The following FBXO38 variants were observed in gnomAD, a reference collection of about 807,000 sequenced individuals.
FBXO38 encodes the protein F-box only protein 38.
Under a neutral mutation model 131.9 loss-of-function variants are expected in FBXO38, and 53 were observed. That is an observed-to-expected ratio of 0.40 (90% CI 0.32 to 0.51). The LOEUF is 0.51. FBXO38 is among the 20% of genes least tolerant of loss of function. The probability of loss-of-function intolerance (pLI) is 0.53; values close to 1 mark genes in which losing one functional copy is unlikely to be tolerated. For synonymous variants in FBXO38, 452 were observed against 505.6 expected (o/e 0.89, Z 1.42); for missense variants, 1,076 against 1,475.6 (o/e 0.73, Z 4.44).
chr5:148,394,037 G>T (rs1227561969), intron 1 of FBXO38, among the ~76,000 whole-genome samples: 1 of 152,016 alleles, frequency 6.6e-6, no homozygotes, highest in African/African-American at 2.4e-5. Context: ...AAATATGCAT[G>T]TGATGCAAAA....
At chr5:148,410,924 T>C in intron 9 of FBXO38, 159 bp downstream of exon 9, 4 of 634,836 alleles carry the variant, frequency 6.3e-6, no homozygotes, top group Non-Finnish European at 1.0e-5. Context: ...ATTAGAAATG[T>C]CAGTGATTTT....
chr5:148,437,433 T>G (rs1023690382), intron 17 of FBXO38, among the ~76,000 whole-genome samples: 2 of 151,844 alleles, frequency 1.3e-5, no homozygotes, highest in Non-Finnish European at 2.9e-5. Flanking sequence ...GAGGCGGGAG[T>G]CTCTCTCAGT....
intron 15 of FBXO38, chr5:148,430,155 A>ATTT (rs200540373): frequency 5.7e-4 from 52 of 91,198 alleles, no homozygotes; most frequent in African/African-American, 2.2e-3. Context: ...TATTATTATT[A>ATTT]TTATTTTTTT....
At chr5:148,403,425 T>C (rs1752273662) in intron 5 of FBXO38, among the ~76,000 whole-genome samples, 1 of 151,584 alleles carries the variant, frequency 6.6e-6, no homozygotes, top group Non-Finnish European at 1.5e-5. Flanking sequence ...GGTTTGGGCC[T>C]GGGGTATACT....
chr5:148,391,880 A>G (rs1403155732), intron 1 of FBXO38, among the ~76,000 whole-genome samples: 2 of 152,210 alleles, frequency 1.3e-5, no homozygotes, highest in Non-Finnish European at 2.9e-5. Context: ...GTCTTCTTTC[A>G]TAAAATGTTG....
Position 148,394,789 on chromosome 5 carries a change from A to C in FBXO38, c.13A>C (p.Lys5Gln). 1 of 1,577,316 alleles carries C rather than the reference A, an allele frequency of 6.3e-7. No homozygotes were observed. Among genetic ancestry groups the C allele is most frequent in the Non-Finnish European group, 8.6e-7 (1 of 1,162,644 alleles). The part of the protein sequence containing the change: MGPR[K>Q]KSVKTCIMNN... ...AGACTGCACAACAATGGGGCCACGA[A>C]AGAAAAGTGTGAAAACATGTATCAT... Residue 5 changes from lysine to glutamine, a missense_variant, in exon 2 of 22, where the codon AAG becomes CAG. Around this residue, in one of 8 missense-constraint regions of FBXO38, gnomAD observed 58 missense variants for 53.1 expected, o/e 1.09. Transcript: ENST00000340253.
chr5:148,410,541 G>A, intron 8 of FBXO38, 94 bp from the exon 9 acceptor site: 1 of 1,411,466 alleles, frequency 7.1e-7, no homozygotes, highest in Non-Finnish European at 9.8e-7. Context: ...TTTGTCAGCA[G>A]CATAGAAACG....
chr5:148,398,515 G>A (rs1257390183), intron 2 of FBXO38, among the ~76,000 whole-genome samples: 1 of 151,914 alleles, frequency 6.6e-6, no homozygotes, highest in Admixed American at 6.6e-5. Context: ...GGAGAAGATA[G>A]TAGAGTTTGC....
chr5:148,421,179 G>C (rs1753404261), intron 12 of FBXO38, among the ~76,000 whole-genome samples: 1 of 152,042 alleles, frequency 6.6e-6, no homozygotes, highest in Admixed American at 6.6e-5. Context: ...TGTTAGCCAG[G>C]ATGGTCTCCA....
At position 148,441,248 on chromosome 5, in the gene FBXO38, C is replaced by T; in HGVS notation, c.3388+11C>T. 3 of 1,580,480 alleles carry T rather than the reference C, an allele frequency of 1.9e-6. No homozygotes were observed. Among genetic ancestry groups the T allele is most frequent in the Non-Finnish European group, 2.6e-6 (3 of 1,149,770 alleles). On this transcript the variant is annotated intron_variant, in intron 21 of 21. Transcript: ENST00000340253. The stretch of plus-strand genomic sequence containing the variant: ...AAGACGATGAAGAAAGTAATTATGA[C>T]CTGACTTGACATCTATTCTCTAGTT...
At chr5:148,391,579 G>T (rs897387463) in intron 1 of FBXO38, among the ~76,000 whole-genome samples, 1 of 152,210 alleles carries the variant, frequency 6.6e-6, no homozygotes. Flanking sequence ...GAACTAAGAA[G>T]ATACTGGTCT....
At chr5:148,398,934 A>AG (rs1751983259) in intron 2 of FBXO38, 65 bp from the exon 3 acceptor site, 1 of 1,571,644 alleles carries the variant, frequency 6.4e-7, no homozygotes, top group Non-Finnish European at 8.7e-7. Context: ...GGAAAAAAAA[A>AG]TAACTTACTG....
chr5:148,418,708 T>C (rs929099299), intron 12 of FBXO38, among the ~76,000 whole-genome samples: 8 of 152,220 alleles, frequency 5.3e-5, no homozygotes, highest in African/African-American at 1.9e-4. Flanking sequence ...TTACAGCAGC[T>C]GCCATTCAGA....
intron 2 of FBXO38, among the ~76,000 whole-genome samples, chr5:148,398,724 TTTTC>T (rs1751969221): frequency 1.3e-5 from 2 of 152,006 alleles, no homozygotes; most frequent in Admixed American, 1.3e-4. Context: ...TGTTTTTAGA[TTTTC>T]TTTGTCCATG....
At position 148,399,117 on chromosome 5, in the gene FBXO38, G is replaced by A; in HGVS notation, c.247G>A (p.Glu83Lys). ...VVDLCAGRWWEYMPSGFTDAS... is the reference protein window; with the variant it reads ...VVDLCAGRWWKYMPSGFTDAS... ...AGATCTCTGTGCAGGGCGGTGGTGG[G>A]AATACATGCCAAGTGGTAAGTGGAT... The change falls in exon 3 of 22, where the codon GAA (glutamate) becomes AAA (lysine). Residue 83 changes from glutamate (E) to lysine (K), a missense_variant. By Grantham distance (56) the Glu-to-Lys change is moderately conservative. This residue lies in a region of FBXO38 where 96 missense variants were observed against 193.9 expected (regional missense o/e 0.50). Coordinates refer to ENST00000340253, the MANE Select transcript of FBXO38 (RefSeq NM_205836.3). 6.2e-7 allele frequency: 1 copy of A among 1,611,590 alleles called. No individual in the cohort carries two copies. The highest frequency in any genetic ancestry group is 1.1e-5 in the South Asian group (1 of 90,962).
chr5:148,394,078 G>A (rs906165016), intron 1 of FBXO38, among the ~76,000 whole-genome samples: 5 of 152,192 alleles, frequency 3.3e-5, no homozygotes, highest in Admixed American at 1.3e-4. Context: ...TCACAAGAGA[G>A]GGAGAAGGGA....
At chr5:148,410,910 T>C (rs1752711724) in intron 9 of FBXO38, 145 bp downstream of exon 9, 1 of 691,432 alleles carries the variant, frequency 1.4e-6, no homozygotes, top group Non-Finnish European at 2.3e-6. Context: ...AAATAAACTT[T>C]TAAATTAGAA....
In FBXO38 at chr5:148,427,509, C is replaced by A. The variant is rs762262985; in HGVS notation, c.2215C>A (p.Pro739Thr). ...GGTGAACAGCGGCGGCTCTTCCGAG[C>A]CTAGCCCTACAGAAGTGGATGTGTC... is the stretch of plus-strand genomic sequence containing the variant. ...RTVNSGGSSE[P>T]SPTEVDVSRQ... Residue 739 changes from proline to threonine, a missense_variant, in exon 15 of 22, where the codon CCT becomes ACT. By Grantham distance (38) the Pro-to-Thr change is conservative. Coordinates refer to ENST00000340253, the MANE Select transcript of FBXO38 (RefSeq NM_205836.3). The A allele has an allele frequency of 2.0e-5, 33 of 1,614,058 alleles. No individual in the cohort carries two copies. In the South Asian group the frequency reaches 3.6e-4, roughly 18 times the overall value.
In FBXO38 at chr5:148,425,684, A is replaced by G. The variant is rs1486350778; in HGVS notation, c.1901A>G (p.Gln634Arg). 1 of 1,613,320 alleles carries G rather than the reference A, an allele frequency of 6.2e-7. No individual in the cohort carries two copies. The highest frequency in any genetic ancestry group is 8.5e-7 in the Non-Finnish European group (1 of 1,179,744). ...GAAGAAAAAACTGGAGAGTCAGTGC[A>G]GTCCAGAGAATTGTCAGGTGAGAAA... ...EREEKTGESV[Q>R]SRELSVSGKG... The change falls in exon 14 of 22, where the codon CAG becomes CGG. Residue 634 changes from glutamine to arginine, a missense_variant. Physicochemically the swap from Gln to Arg is conservative, Grantham distance 43. Around this residue, in one of 8 missense-constraint regions of FBXO38, gnomAD observed 212 missense variants for 221.2 expected, o/e 0.96. Transcript: ENST00000340253.
Sources: allele counts gnomAD v4.1 joint callset (sites outside exome capture counted in the v4.1 genomes callset), GRCh38; gene constraint gnomAD v4.1.1; regional missense constraint gnomAD v4.1.1; transcripts MANE v1.5; gene names NCBI Gene and HGNC (gene_info 2026-07-23, HGNC 2026-07-21).